The following VWC2L variants were observed in gnomAD, a reference collection of about 807,000 sequenced individuals.
VWC2L encodes the protein von Willebrand factor C domain-containing protein 2-like.
Under a neutral mutation model 21.6 loss-of-function variants are expected in VWC2L, and 10 were observed. That is an observed-to-expected ratio of 0.46 (90% confidence interval 0.29 to 0.78). The LOEUF is 0.78. VWC2L is among the 30% of genes least tolerant of loss of function. VWC2L has a pLI of 0.10. For synonymous variants in VWC2L, 96 were observed against 94.3 expected (o/e 1.02, Z -0.10); for missense variants, 209 against 277.1 (o/e 0.75, Z 1.74).
intron 3 of VWC2L, among the ~76,000 whole-genome samples, chr2:214,490,312 T>A (rs1367728449): frequency 6.7e-6 from 1 of 150,308 alleles, no homozygotes; most frequent in Non-Finnish European, 1.5e-5. Context: ...ACACATTTTT[T>A]AAAACACTAA....
chr2:214,506,041 T>C (rs540861928), intron 3 of VWC2L, among the ~76,000 whole-genome samples: 1 of 152,338 alleles, frequency 6.6e-6, no homozygotes, highest in Non-Finnish European at 1.5e-5. Context: ...GAAAATGTTA[T>C]ACGTATGATT....
chr2:214,573,266 T>C (rs576288884), intron 3 of VWC2L, among the ~76,000 whole-genome samples: 1 of 151,996 alleles, frequency 6.6e-6, no homozygotes, highest in African/African-American at 2.4e-5. Flanking sequence ...CATACACACA[T>C]ACGCACGCTC....
chr2:214,552,688 T>C, intron 3 of VWC2L, among the ~76,000 whole-genome samples: 1 of 152,236 alleles, frequency 6.6e-6, no homozygotes, highest in East Asian at 1.9e-4. Flanking sequence ...TTGGGATTCC[T>C]TCCTTAGTCA....
chr2:214,542,233 A>G (rs1574627199), intron 3 of VWC2L, among the ~76,000 whole-genome samples: 1 of 152,184 alleles, frequency 6.6e-6, no homozygotes, highest in South Asian at 2.1e-4. Context: ...GCATCTGATC[A>G]TGTATACACA....
rs1409668945 is a variant in VWC2L, at chr2:214,414,388, A to C, written c.195A>C (p.Glu65Asp). 6.2e-6 allele frequency: 10 copies of C among 1,613,676 alleles called. No homozygotes were observed. Among genetic ancestry groups the C allele is most frequent in the Admixed American group, 1.7e-5 (1 of 59,942 alleles). The change falls in exon 2 of 4, where the codon GAA (glutamate) becomes GAC (aspartate). Residue 65 changes from glutamate (E) to aspartate (D), a missense_variant. Physicochemically the swap from Glu to Asp is conservative, Grantham distance 45. Transcript: ENST00000312504. ...GCGGCTTTGTATACAAGTTGGGAGA[A>C]CGATTTTTCCCTGGGCATTCCAACT... ...DDSGFVYKLG[E>D]RFFPGHSNCP...
chr2:214,417,782 A>C (rs957913992), intron 2 of VWC2L, among the ~76,000 whole-genome samples: 3 of 152,218 alleles, frequency 2.0e-5, no homozygotes, highest in African/African-American at 7.2e-5. Context: ...CTGTACATAG[A>C]TGACCTAGTT....
At chr2:214,570,119 G>A (rs922365042) in intron 3 of VWC2L, among the ~76,000 whole-genome samples, 2 of 152,068 alleles carry the variant, frequency 1.3e-5, no homozygotes, top group African/African-American at 4.8e-5. Flanking sequence ...TAGATACACT[G>A]GAAGGTGCTT....
intron 2 of VWC2L, 170 bp downstream of exon 2, chr2:214,414,753 T>A: frequency 1.4e-6 from 1 of 709,084 alleles, no homozygotes; most frequent in Non-Finnish European, 2.2e-6. Flanking sequence ...AATGGCCAAC[T>A]GGTTTGTTGA....
intron 3 of VWC2L, among the ~76,000 whole-genome samples, chr2:214,520,911 A>G (rs1321548486): frequency 6.6e-6 from 1 of 152,050 alleles, no homozygotes; most frequent in Non-Finnish European, 1.5e-5. Context: ...TAATAGTAAT[A>G]TATATGATTA....
At chr2:214,502,553 G>A (rs1334779923) in intron 3 of VWC2L, among the ~76,000 whole-genome samples, 1 of 151,182 alleles carries the variant, frequency 6.6e-6, no homozygotes. Context: ...CTGGGCAACA[G>A]AGCGAGACTC....
intron 3 of VWC2L, among the ~76,000 whole-genome samples, chr2:214,570,557 G>T (rs1690135504): frequency 6.6e-6 from 1 of 152,008 alleles, no homozygotes; most frequent in Non-Finnish European, 1.5e-5. Context: ...TAGTGATGGG[G>T]TTTTGCCATG....
intron 3 of VWC2L, among the ~76,000 whole-genome samples, chr2:214,516,243 CTCGGTGTA>C (rs1689141217): frequency 6.6e-6 from 1 of 152,124 alleles, no homozygotes; most frequent in Non-Finnish European, 1.5e-5. Context: ...CATCACTCTT[CTCGGTGTA>C]TCGCCCCAGG....
chr2:214,553,789 T>C (rs1454889763), intron 3 of VWC2L, among the ~76,000 whole-genome samples: 1 of 152,140 alleles, frequency 6.6e-6, no homozygotes, highest in Non-Finnish European at 1.5e-5. Context: ...TCAGGTTAAC[T>C]TTGGAATGCC....
chr2:214,454,920 C>T (rs1327994340), intron 3 of VWC2L, among the ~76,000 whole-genome samples: 2 of 151,976 alleles, frequency 1.3e-5, no homozygotes, highest in Non-Finnish European at 2.9e-5. Context: ...CTTTGCATTC[C>T]TGAGATAAAC....
At chr2:214,570,936 C>A (rs1328837764) in intron 3 of VWC2L, among the ~76,000 whole-genome samples, 4 of 152,160 alleles carry the variant, frequency 2.6e-5, no homozygotes, top group Non-Finnish European at 5.9e-5. Flanking sequence ...CTATGTCCAG[C>A]AGCAGTGAGA....
chr2:214,560,543 A>C (rs1689950566), intron 3 of VWC2L, among the ~76,000 whole-genome samples: 1 of 152,244 alleles, frequency 6.6e-6, no homozygotes, highest in African/African-American at 2.4e-5. Context: ...TCAAGGAACT[A>C]GGCAGTTTTC....
chr2:214,516,659 A>T (rs1238682091), intron 3 of VWC2L, among the ~76,000 whole-genome samples: 142 of 146,414 alleles, frequency 9.7e-4, no homozygotes, highest in Admixed American at 1.2e-3. Flanking sequence ...TTGAAATTAA[A>T]AAAAAAAAAA....
At chr2:214,480,864 C>CAAAAAAAAAAAAA (rs59720596) in intron 3 of VWC2L, among the ~76,000 whole-genome samples, 2 of 71,746 alleles carry the variant, frequency 2.8e-5, no homozygotes, top group African/African-American at 1.1e-4. Flanking sequence ...TATGCCAAGC[C>CAAAAAAAAAAAAA]AAAAAAAAAA....
chr2:214,499,529 G>A (rs1220967597), intron 3 of VWC2L, among the ~76,000 whole-genome samples: 1 of 151,270 alleles, frequency 6.6e-6, no homozygotes, highest in Non-Finnish European at 1.5e-5. Context: ...TGGAGGGATA[G>A]CATTAGGAGA....
Sources: allele counts gnomAD v4.1 joint callset (sites outside exome capture counted in the v4.1 genomes callset), GRCh38; gene constraint gnomAD v4.1.1; transcripts MANE v1.5; gene names NCBI Gene and HGNC (gene_info 2026-07-23, HGNC 2026-07-21).